WDR37: variants seen among roughly 807,000 people sequenced by gnomAD.
WDR37 encodes WD repeat-containing protein 37.
Under a neutral mutation model 62.9 loss-of-function variants are expected in WDR37, and 19 were observed. The observed-to-expected ratio is 0.30, with a 90% CI of 0.21 to 0.44. WDR37 has a LOEUF of 0.44. Among genes scored for constraint, WDR37 ranks in the 20% least tolerant of loss-of-function variants. The probability of loss-of-function intolerance (pLI) is 1.00; values close to 1 mark genes in which losing one functional copy is unlikely to be tolerated. For synonymous variants in WDR37, 250 were observed against 260.9 expected, an observed-to-expected ratio of 0.96 and a Z score of 0.40; for missense variants, 474 against 657.6, an observed-to-expected ratio of 0.72 and a Z score of 3.05.
intron 11 of WDR37, among the ~76,000 whole-genome samples, chr10:1,120,977 G>A (rs572661458): frequency 2.0e-5 from 3 of 152,210 alleles, no homozygotes; most frequent in Non-Finnish European, 4.4e-5. Flanking sequence ...CGGCGAGGAG[G>A]TGCTGCACTG....
chr10:1,057,471 TG>T (rs1281259806), intron 1 of WDR37, among the ~76,000 whole-genome samples: 1 of 152,168 alleles, frequency 6.6e-6, no homozygotes, highest in Non-Finnish European at 1.5e-5. Flanking sequence ...AGAGTGGGGA[TG>T]GTCGGCTTCA....
Position 1,105,257 on chromosome 10 carries a change from G to A in WDR37, c.1093G>A (p.Gly365Arg). The A allele has an allele frequency of 6.2e-7, 1 of 1,613,882 alleles. No individual in the cohort carries two copies. Among genetic ancestry groups the A allele is most frequent in the Non-Finnish European group, 8.5e-7 (1 of 1,179,940 alleles). The change falls in exon 11 of 14, where the codon GGA becomes AGA. Residue 365 changes from glycine to arginine, a missense_variant. Gly to Arg is a moderately radical substitution (Grantham distance 125). Coordinates refer to ENST00000263150, the MANE Select transcript of WDR37 (RefSeq NM_014023.4). The surrounding 1 kb of genome is among the most constrained non-coding windows in gnomAD (Gnocchi z 5.3). ...PSIHSVNVFQ[G>R]HTDTVTSAVF... ...CATCCACTCGGTGAATGTTTTCCAG[G>A]GACACACGGAGTGAGTTGCGGTAGT...
chr10:1,086,135 A>G (rs756151207), intron 6 of WDR37, 151 bp from the exon 7 acceptor site: 29 of 600,800 alleles, frequency 4.8e-5, no homozygotes, highest in Middle Eastern at 3.2e-4. Context: ...TCTTTGATCA[A>G]TTGAAGCATA....
Position 1,105,068 on chromosome 10 carries a change from C to A in WDR37, c.962-58C>A. 1 of 1,590,518 alleles carries A rather than the reference C, an allele frequency of 6.3e-7. No individual in the cohort carries two copies. Among genetic ancestry groups the A allele is most frequent in the South Asian group, 1.1e-5 (1 of 89,356 alleles). ...CTTGGGTTCTTGTGCTGTTGAAAAG[C>A]GTCTCTCTCAGCGTGCTCCTCAGGT... On this transcript the variant is annotated intron_variant, in intron 10 of 13. Coordinates refer to ENST00000263150, the MANE Select transcript of WDR37 (RefSeq NM_014023.4). This position sits in a 1 kb window ranked among gnomAD's most constrained non-coding sequence, Gnocchi z 5.3.
intron 11 of WDR37, among the ~76,000 whole-genome samples, chr10:1,117,827 C>T (rs1199094575): frequency 6.6e-6 from 1 of 152,226 alleles, no homozygotes; most frequent in Admixed American, 6.5e-5. Context: ...GTGAGGGTCG[C>T]CTGGCAGCCT....
intron 1 of WDR37, among the ~76,000 whole-genome samples, chr10:1,063,941 C>T (rs912968401): frequency 6.6e-6 from 1 of 152,150 alleles, no homozygotes; most frequent in Non-Finnish European, 1.5e-5. Context: ...GAAAATCACT[C>T]ATAGGAAAAT....
chr10:1,117,611 A>G (rs544299936), intron 11 of WDR37, among the ~76,000 whole-genome samples: 130 of 152,306 alleles, frequency 8.5e-4, no homozygotes, highest in African/African-American at 2.5e-3. Context: ...CACATACTCA[A>G]AACTTCCTAA....
chr10:1,096,105 G>A, intron 8 of WDR37, 65 bp from the exon 9 acceptor site: 1 of 1,493,792 alleles, frequency 6.7e-7, no homozygotes, highest in South Asian at 1.1e-5. Context: ...AGCCATAGTG[G>A]CGGTGAAGAG....
chr10:1,086,308 C>T lies in WDR37; in HGVS notation c.555C>T (p.Ser185=), dbSNP rs1369200563. 1.2e-6 allele frequency: 2 copies of T among 1,614,114 alleles called. No homozygotes were observed. The highest frequency in any genetic ancestry group is 1.7e-6 in the Non-Finnish European group (2 of 1,179,984). The change falls in exon 7 of 14, where the codon AGC becomes AGT. Residue 185 remains serine (S), a synonymous_variant. Transcript: ENST00000263150. ...ASADHTALLW[S]IETGKCLVKY... The stretch of plus-strand genomic sequence containing the variant: ...CAGATCACACGGCTTTGCTGTGGAG[C>T]ATAGAGACAGGGAAGTGCCTAGTCA...
intron 1 of WDR37, among the ~76,000 whole-genome samples, chr10:1,069,020 G>C (rs1833639805): frequency 6.6e-6 from 1 of 152,132 alleles, no homozygotes; most frequent in Non-Finnish European, 1.5e-5. Flanking sequence ...GTAAATTAGT[G>C]GTTGCCTAGG....
chr10:1,126,347 A>G (rs900563184), intron 13 of WDR37, among the ~76,000 whole-genome samples: 24 of 149,764 alleles, frequency 1.6e-4, no homozygotes, highest in Non-Finnish European at 2.4e-4. Context: ...CGGAGCTTGC[A>G]GTGAGCTGAG....
In WDR37 at chr10:1,084,571, A is replaced by C. The variant is rs1475455199; in HGVS notation, c.532+33A>C. The C allele has an allele frequency of 1.9e-6, 3 of 1,603,284 alleles. No individual in the cohort carries two copies. The South Asian group carries it at 3.3e-5, about 18-fold the overall frequency. Reference sequence around the variant, plus strand: ...GCACACGGACCTGGCCAGCCTGCGGAAGCATGGCTGTGCTTAATCCCTGAG... The same window carrying C: ...GCACACGGACCTGGCCAGCCTGCGGCAGCATGGCTGTGCTTAATCCCTGAG... On this transcript the variant is annotated intron_variant, in intron 6 of 13. Transcript: ENST00000263150.
intron 5 of WDR37, among the ~76,000 whole-genome samples, chr10:1,082,131 G>A (rs1045463296): frequency 2.0e-5 from 3 of 152,200 alleles, no homozygotes; most frequent in Non-Finnish European, 2.9e-5. Context: ...GAAGATTGAA[G>A]AAATAATTTG....
intron 1 of WDR37, among the ~76,000 whole-genome samples, chr10:1,068,160 A>G (rs1833610760): frequency 6.6e-6 from 1 of 152,156 alleles, no homozygotes; most frequent in African/African-American, 2.4e-5. Context: ...AGTGTTTGAC[A>G]GCAGAGTAGG....
chr10:1,129,075 A>G (rs1336785599), intron 13 of WDR37, 138 bp from the exon 14 acceptor site: 34 of 1,242,158 alleles, frequency 2.7e-5, no homozygotes, highest in South Asian at 3.0e-5. Context: ...TCGGTGGTCC[A>G]TGGGACTGAT....
At chr10:1,092,800 G>A (rs1298353244) in intron 7 of WDR37, among the ~76,000 whole-genome samples, 1 of 143,522 alleles carries the variant, frequency 7.0e-6, no homozygotes, top group African/African-American at 2.7e-5. Context: ...AGCCTTGAAG[G>A]TCAAAGCTGT....
Position 1,103,848 on chromosome 10 carries a change from C to T in WDR37, c.961+12C>T. On this transcript the variant is annotated intron_variant, in intron 10 of 13. Coordinates refer to ENST00000263150, the MANE Select transcript of WDR37 (RefSeq NM_014023.4). This position sits in a 1 kb window ranked among gnomAD's most constrained non-coding sequence, Gnocchi z 6.3. Reference sequence around the variant, plus strand: ...TCACTCTCTGACAGGTGCCTGGGTTCTCTGAGTCCGCCGCCTCCTGGCTGT... The same window carrying T: ...TCACTCTCTGACAGGTGCCTGGGTTTTCTGAGTCCGCCGCCTCCTGGCTGT... 1.2e-6 allele frequency: 2 copies of T among 1,612,760 alleles called. No homozygotes were observed. The highest frequency in any genetic ancestry group is 1.7e-6 in the Non-Finnish European group (2 of 1,178,872).
intron 13 of WDR37, among the ~76,000 whole-genome samples, chr10:1,126,331 A>C (rs7085880): frequency 6.0e-5 from 9 of 149,682 alleles, no homozygotes; most frequent in African/African-American, 2.5e-5. Flanking sequence ...GCGTGAACCC[A>C]GGAGGCGGAG....
chr10:1,062,095 T>C (rs1052532838), intron 1 of WDR37, among the ~76,000 whole-genome samples: 1 of 151,504 alleles, frequency 6.6e-6, no homozygotes, highest in African/African-American at 2.4e-5. Context: ...ATACAGACAC[T>C]GGGAAAAAAT....
Sources: allele counts gnomAD v4.1 joint callset (sites outside exome capture counted in the v4.1 genomes callset), GRCh38; gene constraint gnomAD v4.1.1; non-coding constraint Gnocchi (gnomAD v3.1); transcripts MANE v1.5; gene names NCBI Gene and HGNC (gene_info 2026-07-23, HGNC 2026-07-21).